Variants in TBL2 observed in about 807,000 individuals in gnomAD.
The protein encoded by TBL2 is transducin beta-like protein 2.
In TBL2, 33 loss-of-function variants were observed where a neutral mutation model predicts 41.8. That is an observed-to-expected ratio of 0.79 (90% CI 0.60 to 1.06). TBL2 has a LOEUF of 1.06. Ranked by LOEUF, TBL2 falls within the 50% of genes least tolerant of loss-of-function variation. TBL2 has a pLI of 0.00. For missense variants in TBL2, 522 were observed against 603.8 expected, an observed-to-expected ratio of 0.86 and a Z score of 1.42; for synonymous variants, 239 against 241.7, an observed-to-expected ratio of 0.99 and a Z score of 0.10.
intron 1 of TBL2, chr7:73,576,851 T>C: frequency 2.6e-6 from 1 of 378,724 alleles, no homozygotes; most frequent in Non-Finnish European, 5.3e-6. Flanking sequence ...ATGTCTTTTT[T>C]CCTTGGCCTT....
At position 73,567,590 on chromosome 7, in the gene TBL2, T is replaced by G. The variant is rs1792699467; in HGVS notation, c.*2917A>C. Among the ~76,000 whole-genome samples the G allele has an allele frequency of 6.6e-6, 1 of 152,136 alleles. No homozygotes were observed. The highest frequency in any genetic ancestry group is 6.6e-5 in the Admixed American group (1 of 15,252). On this transcript the variant is annotated 3_prime_UTR_variant, in exon 7 of 7. Coordinates refer to ENST00000305632, the MANE Select transcript of TBL2 (RefSeq NM_012453.4). ...TGAAAAATTTCACACCCACAGATGTTGAAATTATAATATTAAGATACAATT... is the reference window on the plus strand; with the variant it reads ...TGAAAAATTTCACACCCACAGATGTGGAAATTATAATATTAAGATACAATT...
intron 1 of TBL2, 173 bp downstream of exon 1, chr7:73,578,247 C>T (rs1011184663): frequency 4.6e-6 from 7 of 1,531,720 alleles, no homozygotes; most frequent in African/African-American, 2.8e-5. Context: ...GCGCCTAACC[C>T]GGCAAGGCGG....
In TBL2 at chr7:73,567,934, C is replaced by G. The variant is rs1206631887; in HGVS notation, c.*2573G>C. Among the ~76,000 whole-genome samples the G allele has an allele frequency of 1.3e-5, 2 of 152,192 alleles. No homozygotes were observed. Among genetic ancestry groups the G allele is most frequent in the African/African-American group, 4.8e-5 (2 of 41,452 alleles). Reference sequence around the variant, plus strand: ...CATCTGACTTCAGTAACTCAACATTCTACTGCCACTTCCTGTCCTGGATAC... The same window carrying G: ...CATCTGACTTCAGTAACTCAACATTGTACTGCCACTTCCTGTCCTGGATAC... On this transcript the variant is annotated 3_prime_UTR_variant, in exon 7 of 7. Transcript: ENST00000305632.
chr7:73,570,385 C>T lies in TBL2; in HGVS notation c.*122G>A. 1.4e-6 allele frequency: 2 copies of T among 1,408,532 alleles called. No homozygotes were observed. Among genetic ancestry groups the T allele is most frequent in the Non-Finnish European group, 1.8e-6 (2 of 1,082,982 alleles). 87.3% of individuals were successfully genotyped at this position (1,408,532 alleles called of 1,614,324 possible). ...TAGTTTCAATGGGAAGAAGCAGGGC[C>T]ACCAGTAAGAAAACCAGGAGACTCC... On this transcript the variant is annotated 3_prime_UTR_variant, in exon 7 of 7. Transcript: ENST00000305632.
At chr7:73,574,292 A>G in intron 2 of TBL2, 91 bp downstream of exon 2, 2 of 1,563,818 alleles carry the variant, frequency 1.3e-6, no homozygotes, top group South Asian at 2.3e-5. Flanking sequence ...GATCAGAGGC[A>G]GGAGAGCCTG....
Position 73,568,620 on chromosome 7 carries a change from G to T in TBL2, c.*1887C>A, listed in dbSNP as rs539621023. Among the ~76,000 whole-genome samples the T allele has an allele frequency of 6.6e-6, 1 of 152,292 alleles. No individual in the cohort carries two copies. The highest frequency in any genetic ancestry group is 2.1e-4 in the South Asian group (1 of 4,828). On this transcript the variant is annotated 3_prime_UTR_variant, in exon 7 of 7. Transcript: ENST00000305632. ...CACAGGACCTTGCAGGCCATGGTAAGAATTTTGGATTAAGTGTTTTTAGCT... is the reference window on the plus strand; with the variant it reads ...CACAGGACCTTGCAGGCCATGGTAATAATTTTGGATTAAGTGTTTTTAGCT...
In TBL2 at chr7:73,570,548, C is replaced by A. The variant is rs540726524; in HGVS notation, c.1303G>T (p.Ala435Ser). The change falls in exon 7 of 7, where the codon GCC (alanine) becomes TCC (serine). Residue 435 changes from alanine (A) to serine (S), a missense_variant. Coordinates refer to ENST00000305632, the MANE Select transcript of TBL2 (RefSeq NM_012453.4). The stretch of plus-strand genomic sequence containing the variant: ...CCCAGGCTCTTCAGGGTCTCTTGGG[C>A]CTGGGTCAGCTGCTGCTGCAGCCTC... ...RQRLQQQLTQ[A>S]QETLKSLGAL... 24 of 1,599,032 alleles carry A rather than the reference C, an allele frequency of 1.5e-5. No individual in the cohort carries two copies. In the South Asian group the frequency reaches 2.6e-4, roughly 17 times the overall value.
intron 1 of TBL2, chr7:73,576,729 C>T (rs1042464858): frequency 4.4e-6 from 2 of 456,354 alleles, no homozygotes; most frequent in Admixed American, 2.4e-5. Context: ...CACAATCTGT[C>T]CTCTGCTTCC....
chr7:73,574,146 G>A lies in TBL2; in HGVS notation c.262-24C>T, dbSNP rs376789529. The A allele has an allele frequency of 8.6e-4, 1,390 of 1,610,908 alleles. 2 individuals are homozygous for A. Among genetic ancestry groups the A allele is most frequent in the Non-Finnish European group, 8.7e-4 (1,025 of 1,177,608 alleles). ...CTCTAGGGGAAGGGTGGCAGGAAGTGTCAATAGGAGCTCCTGGGGGAGATG... is the reference window on the plus strand; with the variant it reads ...CTCTAGGGGAAGGGTGGCAGGAAGTATCAATAGGAGCTCCTGGGGGAGATG... On this transcript the variant is annotated intron_variant, in intron 2 of 6. Coordinates refer to ENST00000305632, the MANE Select transcript of TBL2 (RefSeq NM_012453.4).
rs918527605 is a variant in TBL2 at position 73,567,672 on chromosome 7, G to A, written c.*2835C>T. ...AAAAAGAAAAACCTTGGTGGCCTCT[G>A]CTCTATGTTAATATCCAGACACCTT... On this transcript the variant is annotated 3_prime_UTR_variant, in exon 7 of 7. Transcript: ENST00000305632. Among the ~76,000 whole-genome samples the A allele has an allele frequency of 2.6e-4, 40 of 152,132 alleles. No individual in the cohort carries two copies. The highest frequency in any genetic ancestry group is 9.4e-4 in the African/African-American group (39 of 41,474).
At chr7:73,577,234 T>A (rs1554589130) in intron 1 of TBL2, among the ~76,000 whole-genome samples, 1 of 127,172 alleles carries the variant, frequency 7.9e-6, no homozygotes, top group African/African-American at 3.0e-5. Flanking sequence ...GACTCCAGAT[T>A]GGGCGACAGA....
intron 1 of TBL2, 74 bp from the exon 2 acceptor site, chr7:73,574,587 CATTGAGTGGA>C: frequency 6.2e-7 from 1 of 1,602,522 alleles, no homozygotes; most frequent in Middle Eastern, 1.7e-4. Flanking sequence ...ATGAGCCAGG[CATTGAGTGGA>C]ACAGCAGGAG....
chr7:73,572,708 G>T, intron 5 of TBL2, 136 bp downstream of exon 5: 1 of 1,227,826 alleles, frequency 8.1e-7, no homozygotes. Context: ...AGTGGGGAGA[G>T]CTGAGACTTG....
In TBL2 at chr7:73,576,032, A is replaced by AAAAT. The variant is rs557508065; in HGVS notation, c.131-1523_131-1520dup. Among the ~76,000 whole-genome samples, 894 of 151,796 alleles carry AAAAT rather than the reference A, an allele frequency of 5.9e-3. 2 individuals are homozygous for AAAAT. Among genetic ancestry groups the AAAAT allele is most frequent in the Non-Finnish European group, 6.0e-3 (409 of 67,942 alleles). The stretch of plus-strand genomic sequence containing the variant: ...AGGCGACAGAGTGAGATTCTGTCTC[A>AAAAT]AAATAAATAAATAAATAAATAAATA... On this transcript the variant is annotated intron_variant, in intron 1 of 6. Transcript: ENST00000305632.
rs1291606462 is a variant in TBL2, at chr7:73,567,678, T to G, written c.*2829A>C. Among the ~76,000 whole-genome samples the G allele has an allele frequency of 6.6e-6, 1 of 152,186 alleles. No homozygotes were observed. The highest frequency in any genetic ancestry group is 1.9e-4 in the East Asian group (1 of 5,196). On this transcript the variant is annotated 3_prime_UTR_variant, in exon 7 of 7. Coordinates refer to ENST00000305632, the MANE Select transcript of TBL2 (RefSeq NM_012453.4). ...AAAAACCTTGGTGGCCTCTGCTCTA[T>G]GTTAATATCCAGACACCTTCTCTGT...
chr7:73,573,089 T>A, intron 4 of TBL2, 119 bp from the exon 5 acceptor site: 1 of 1,477,238 alleles, frequency 6.8e-7, no homozygotes, highest in Non-Finnish European at 9.2e-7. Context: ...AGGCCAAGGG[T>A]CACTACAGAT....
Position 73,570,297 on chromosome 7 carries a change from C to T in TBL2, c.*210G>A. ...CTGGGCCTGGGAGGAAGAAAAGCAC[C>T]TTGGCCACTAGTCAGGGAGGAGTCA... On this transcript the variant is annotated 3_prime_UTR_variant, in exon 7 of 7. Transcript: ENST00000305632. 3 of 823,992 alleles carry T rather than the reference C, an allele frequency of 3.6e-6. No homozygotes were observed. In the South Asian group the frequency reaches 7.9e-5, roughly 22 times the overall value. The allele number at this position is 823,992 out of a possible 1,614,324, so 51.0% of individuals were successfully genotyped here.
At chr7:73,572,822 G>A (rs782668167) in intron 5 of TBL2, 22 bp downstream of exon 5, 17 of 1,613,650 alleles carry the variant, frequency 1.1e-5, no homozygotes, top group East Asian at 4.5e-5. Flanking sequence ...GGTCCCAGAC[G>A]CCAATACCCC....
At chr7:73,574,193 G>C in intron 2 of TBL2, 71 bp from the exon 3 acceptor site, 1 of 1,578,242 alleles carries the variant, frequency 6.3e-7, no homozygotes, top group Non-Finnish European at 8.6e-7. Flanking sequence ...CCTGGAGCCG[G>C]GGAGATGGGG....
Sources: allele counts gnomAD v4.1 joint callset (sites outside exome capture counted in the v4.1 genomes callset), GRCh38; gene constraint gnomAD v4.1.1; transcripts MANE v1.5; gene names NCBI Gene and HGNC (gene_info 2026-07-23, HGNC 2026-07-21).